Variants in SLC25A21 observed in about 807,000 individuals in gnomAD.
SLC25A21 encodes solute carrier family 25 member 21, also known as mitochondrial 2-oxodicarboxylate carrier.
SLC25A21 carries 47 observed loss-of-function variants against 43.8 expected under a neutral mutation model. The ratio of observed to expected loss-of-function variants is 1.07; its 90% confidence interval spans 0.85 to 1.37. The LOEUF (loss-of-function observed/expected upper bound fraction) is 1.37. Among genes scored for constraint, SLC25A21 ranks in the 40% most tolerant of loss-of-function variants. The pLI is 0.00. For synonymous variants in SLC25A21, 131 were observed against 121.3 expected (o/e 1.08, Z -0.52); for missense variants, 352 against 350.2 (o/e 1.00, Z -0.04).
At chr14:36,917,112 G>A (rs1272893329) in intron 1 of SLC25A21, among the ~76,000 whole-genome samples, 1 of 151,982 alleles carries the variant, frequency 6.6e-6, no homozygotes, top group Non-Finnish European at 1.5e-5. Flanking sequence ...CTCTACTATG[G>A]CTCTTTCTGC....
intron 1 of SLC25A21, among the ~76,000 whole-genome samples, chr14:37,064,624 G>A (rs935257851): frequency 6.6e-6 from 1 of 152,072 alleles, no homozygotes; most frequent in African/African-American, 2.4e-5. Context: ...AAACCAGACT[G>A]TACCCCTTCA....
At chr14:37,015,198 C>A (rs1227511099) in intron 1 of SLC25A21, among the ~76,000 whole-genome samples, 1 of 118,622 alleles carries the variant, frequency 8.4e-6, no homozygotes, top group African/African-American at 3.2e-5. Context: ...CCCCTCCCCC[C>A]ACCCCACAAC....
At position 36,880,521 on chromosome 14, in the gene SLC25A21, C is replaced by T. The variant is rs139157262; in HGVS notation, c.71-5517G>A. On this transcript the variant is annotated intron_variant, in intron 1 of 9. Transcript: ENST00000331299. ...TCCACGAGGACAGAGACTCCATCTGCCCTCTTCATGTTTGTATCCTCACCA... is the reference window on the plus strand; with the variant it reads ...TCCACGAGGACAGAGACTCCATCTGTCCTCTTCATGTTTGTATCCTCACCA... Among the ~76,000 whole-genome samples, 131 of 152,232 alleles carry T rather than the reference C, an allele frequency of 8.6e-4. No individual in the cohort carries two copies. The East Asian group carries it at 0.023, about 26-fold the overall frequency.
intron 1 of SLC25A21, among the ~76,000 whole-genome samples, chr14:36,908,440 C>T (rs1891592261): frequency 6.6e-6 from 1 of 152,118 alleles, no homozygotes; most frequent in African/African-American, 2.4e-5. Context: ...AATTAGAAAG[C>T]ATTCCCAGCA....
chr14:36,786,238 G>A (rs1193036016), intron 3 of SLC25A21, among the ~76,000 whole-genome samples: 1 of 152,190 alleles, frequency 6.6e-6, no homozygotes, highest in African/African-American at 2.4e-5. Flanking sequence ...AAAGGACCCT[G>A]CACCAGAGTA....
intron 2 of SLC25A21, among the ~76,000 whole-genome samples, chr14:36,850,103 G>A (rs1594639211): frequency 6.6e-6 from 1 of 152,098 alleles, no homozygotes; most frequent in South Asian, 2.1e-4. Context: ...GCATATAGTA[G>A]CATCCCTTCC....
chr14:37,005,258 A>G (rs148258230), intron 1 of SLC25A21, among the ~76,000 whole-genome samples: 1 of 152,038 alleles, frequency 6.6e-6, no homozygotes, highest in Non-Finnish European at 1.5e-5. Context: ...AACGAAAGTC[A>G]GAGAAACAAG....
chr14:36,993,188 A>T (rs1485291923), intron 1 of SLC25A21, among the ~76,000 whole-genome samples: 1 of 152,198 alleles, frequency 6.6e-6, no homozygotes, highest in Non-Finnish European at 1.5e-5. Context: ...ATATTACTGC[A>T]AGCTACAACC....
chr14:36,704,863 A>C (rs113112113), intron 7 of SLC25A21, among the ~76,000 whole-genome samples: 13 of 152,250 alleles, frequency 8.5e-5, no homozygotes, highest in African/African-American at 3.1e-4. Flanking sequence ...TGAAAATGGC[A>C]GTTATTGTGA....
At chr14:36,747,777 T>C (rs971378353) in intron 3 of SLC25A21, among the ~76,000 whole-genome samples, 4 of 152,192 alleles carry the variant, frequency 2.6e-5, no homozygotes, top group Non-Finnish European at 4.4e-5. Flanking sequence ...CCTAGTGGTA[T>C]TGGAGTTAAA....
At chr14:36,867,952 C>A (rs1566690081) in intron 2 of SLC25A21, among the ~76,000 whole-genome samples, 1 of 151,776 alleles carries the variant, frequency 6.6e-6, no homozygotes, top group African/African-American at 2.4e-5. Flanking sequence ...AGGATTTGAA[C>A]CCAGGCAGCC....
intron 7 of SLC25A21, among the ~76,000 whole-genome samples, chr14:36,710,454 C>T (rs998907255): frequency 2.0e-5 from 3 of 151,868 alleles, no homozygotes; most frequent in Non-Finnish European, 4.4e-5. Flanking sequence ...AAGAAAGAAA[C>T]AGGGTCTTAC....
chr14:37,087,224 A>G (rs949669915), intron 1 of SLC25A21, among the ~76,000 whole-genome samples: 12 of 152,328 alleles, frequency 7.9e-5, no homozygotes, highest in African/African-American at 2.6e-4. Flanking sequence ...TTTTGAATAC[A>G]TTAACTAAGC....
intron 1 of SLC25A21, among the ~76,000 whole-genome samples, chr14:37,007,692 A>T (rs1960637336): frequency 6.6e-6 from 1 of 152,030 alleles, no homozygotes; most frequent in South Asian, 2.1e-4. Context: ...GGTAAGAAAA[A>T]AAAGCTTGTT....
intron 1 of SLC25A21, among the ~76,000 whole-genome samples, chr14:36,906,459 G>A (rs982185656): frequency 5.9e-5 from 9 of 151,896 alleles, no homozygotes; most frequent in Non-Finnish European, 1.0e-4. Flanking sequence ...CTAATGCATG[G>A]ATGATGAAGC....
intron 1 of SLC25A21, among the ~76,000 whole-genome samples, chr14:37,131,192 CG>C (rs1412708999): frequency 2.6e-5 from 4 of 152,108 alleles, no homozygotes; most frequent in Non-Finnish European, 4.4e-5. Context: ...AGTTAAATGC[CG>C]GACTCCCTAA....
At chr14:37,149,572 G>A (rs796870595) in intron 1 of SLC25A21, among the ~76,000 whole-genome samples, 3 of 152,186 alleles carry the variant, frequency 2.0e-5, no homozygotes, top group African/African-American at 7.2e-5. Flanking sequence ...GTGGGCGCCT[G>A]TAGTCCCAGC....
At chr14:37,145,470 C>G (rs1428127814) in intron 1 of SLC25A21, among the ~76,000 whole-genome samples, 35 of 76,308 alleles carry the variant, frequency 4.6e-4, no homozygotes, top group South Asian at 1.2e-3. Context: ...CACACACACA[C>G]ACACACAGAG....
chr14:36,815,382 G>A (rs1397476827), intron 2 of SLC25A21, among the ~76,000 whole-genome samples: 1 of 152,024 alleles, frequency 6.6e-6, no homozygotes, highest in Non-Finnish European at 1.5e-5. Context: ...AATCCTGATT[G>A]TAAATTTGGA....
Sources: allele counts gnomAD v4.1 joint callset (sites outside exome capture counted in the v4.1 genomes callset), GRCh38; gene constraint gnomAD v4.1.1; transcripts MANE v1.5; gene names NCBI Gene and HGNC (gene_info 2026-07-23, HGNC 2026-07-21).